The following HNRNPF variants were observed in gnomAD, a reference collection of about 807,000 sequenced individuals.
The protein encoded by HNRNPF is heterogeneous nuclear ribonucleoprotein F.
HNRNPF carries 2 observed loss-of-function variants against 26.0 expected under a neutral mutation model. That is an observed-to-expected ratio of 0.08 (90% CI 0.03 to 0.24). HNRNPF has a LOEUF of 0.24. Ranked by LOEUF, HNRNPF falls within the 10% of genes least tolerant of loss-of-function variation. The pLI is 1.00. For missense variants in HNRNPF, 299 were observed against 539.2 expected (o/e 0.55, Z 4.41); for synonymous variants, 234 against 211.5 (o/e 1.11, Z -0.92).
At chr10:43,405,049 G>A (rs184181939) in intron 1 of HNRNPF, among the ~76,000 whole-genome samples, 11 of 152,272 alleles carry the variant, frequency 7.2e-5, no homozygotes, top group Middle Eastern at 3.4e-3. Context: ...CATTCACCAC[G>A]CTTGAAATGT....
chr10:43,386,725 G>A lies in HNRNPF; in HGVS notation c.1160C>T (p.Ala387Val). Residue 387 changes from alanine (A) to valine (V), a missense_variant, in exon 4 of 4, where the codon GCC (alanine) becomes GTC (valine). Around this residue, in one of 6 missense-constraint regions of HNRNPF, gnomAD observed 53 missense variants for 72.4 expected, o/e 0.73. Coordinates refer to ENST00000682386, the MANE Select transcript of HNRNPF (RefSeq NM_001098204.2). ...MQGMGVSAAQATYSGLESQSV... is the reference protein window; with the variant it reads ...MQGMGVSAAQVTYSGLESQSV... ...CTGGCTCTCCAGGCCACTGTAAGTG[G>A]CCTGGGCAGCAGACACCCCCATGCC... 1 of 1,614,136 alleles carries A rather than the reference G, an allele frequency of 6.2e-7. No homozygotes were observed. Among genetic ancestry groups the A allele is most frequent in the Non-Finnish European group, 8.5e-7 (1 of 1,180,014 alleles).
At chr10:43,398,682 G>T (rs1242541272) in intron 1 of HNRNPF, among the ~76,000 whole-genome samples, 2 of 151,756 alleles carry the variant, frequency 1.3e-5, no homozygotes, top group Non-Finnish European at 1.5e-5. Context: ...TTGAGACAGG[G>T]TCTGGCTCAG....
chr10:43,405,378 C>T (rs570610758), intron 1 of HNRNPF, among the ~76,000 whole-genome samples: 2 of 152,098 alleles, frequency 1.3e-5, no homozygotes, highest in East Asian at 3.8e-4. Flanking sequence ...TAATACATGC[C>T]GGGCGCGGTG....
chr10:43,394,907 A>ATCTTGATGAGATTTAC (rs988778003), intron 2 of HNRNPF, among the ~76,000 whole-genome samples: 3 of 152,156 alleles, frequency 2.0e-5, no homozygotes, highest in Non-Finnish European at 4.4e-5. Context: ...CGCCTTATTG[A>ATCTTGATGAGATTTAC]TCTTGATGAG....
In HNRNPF at chr10:43,387,597, C is replaced by T. The variant is rs1279486869; in HGVS notation, c.288G>A (p.Val96=). ...FKSHRTEMDW[V]LKHSGPNSAD... ...CACTGTTGGGACCACTGTGCTTCAA[C>T]ACCCAATCCATCTCGGTTCTGTGGG... Residue 96 remains valine (V), a synonymous_variant, in exon 4 of 4, where the codon GTG becomes GTA. Coordinates refer to ENST00000682386, the MANE Select transcript of HNRNPF (RefSeq NM_001098204.2). The surrounding 1 kb of genome is among the most constrained non-coding windows in gnomAD (Gnocchi z 6.0). 1.2e-6 allele frequency: 2 copies of T among 1,614,202 alleles called. No homozygotes were observed. Among genetic ancestry groups the T allele is most frequent in the Non-Finnish European group, 8.5e-7 (1 of 1,180,018 alleles).
chr10:43,402,574 T>TGCAA (rs1236441822), intron 1 of HNRNPF, among the ~76,000 whole-genome samples: 3 of 152,228 alleles, frequency 2.0e-5, no homozygotes, highest in African/African-American at 7.2e-5. Flanking sequence ...AGCCCTAGCA[T>TGCAA]ACTAATACAA....
intron 1 of HNRNPF, among the ~76,000 whole-genome samples, chr10:43,398,973 G>C (rs759161822): frequency 6.6e-6 from 1 of 152,214 alleles, no homozygotes; most frequent in African/African-American, 2.4e-5. Context: ...AATAGTTCCA[G>C]CCAGATAAAA....
At chr10:43,398,404 C>G (rs1294786258) in intron 1 of HNRNPF, among the ~76,000 whole-genome samples, 2 of 143,522 alleles carry the variant, frequency 1.4e-5, no homozygotes, top group African/African-American at 5.3e-5. Flanking sequence ...TGCAATGGCA[C>G]GATCTCGGCT....
chr10:43,386,543 A>C lies in HNRNPF; in HGVS notation c.*94T>G, dbSNP rs1229189239. The stretch of plus-strand genomic sequence containing the variant: ...ATTTTTCACAAACTCATGGTGCAAA[A>C]TGGGTCCCCCAGCTTCCTCTATTAT... On this transcript the variant is annotated 3_prime_UTR_variant, in exon 4 of 4. Transcript: ENST00000682386. The C allele has an allele frequency of 1.1e-5, 14 of 1,224,108 alleles. No individual in the cohort carries two copies. The highest frequency in any genetic ancestry group is 1.5e-5 in the African/African-American group (1 of 66,152). The allele number at this position is 1,224,108 out of a possible 1,614,324, so 75.8% of individuals were successfully genotyped here. A position where few individuals can be genotyped will look rare whatever the true frequency, so the allele number is the denominator to read the frequency against.
At chr10:43,405,073 T>A (rs887620530) in intron 1 of HNRNPF, among the ~76,000 whole-genome samples, 2 of 152,182 alleles carry the variant, frequency 1.3e-5, no homozygotes, top group African/African-American at 4.8e-5. Flanking sequence ...AGTGTAAAAC[T>A]CACACTGGAT....
chr10:43,408,324 G>C (rs1273576638), intron 1 of HNRNPF, among the ~76,000 whole-genome samples: 1 of 152,128 alleles, frequency 6.6e-6, no homozygotes, highest in Admixed American at 6.5e-5. Context: ...TGCTCACCGC[G>C]TGGGACCACT....
chr10:43,387,644 G>T lies in HNRNPF; in HGVS notation c.241C>A (p.Arg81=), dbSNP rs1838080709. ...LKKDRESMGH[R]YIEVFKSHRT... ...TGGGACTTGAACACCTCAATGTACC[G>T]GTGTCCCATGCTTTCCCTGTCTTTT... Residue 81 remains arginine (R), a synonymous_variant, in exon 4 of 4, where the codon CGG becomes AGG. Transcript: ENST00000682386. This position sits in a 1 kb window ranked among gnomAD's most constrained non-coding sequence, Gnocchi z 6.0. 2 of 1,613,984 alleles carry T rather than the reference G, an allele frequency of 1.2e-6. No individual in the cohort carries two copies. The highest frequency in any genetic ancestry group is 2.7e-5 in the African/African-American group (2 of 74,888).
chr10:43,403,265 G>C (rs1838808853), intron 1 of HNRNPF, among the ~76,000 whole-genome samples: 1 of 152,122 alleles, frequency 6.6e-6, no homozygotes, highest in Admixed American at 6.6e-5. Flanking sequence ...CAATCCGCCT[G>C]CCTTGGCCCT....
chr10:43,400,739 G>A (rs373186587), intron 1 of HNRNPF, among the ~76,000 whole-genome samples: 1 of 152,152 alleles, frequency 6.6e-6, no homozygotes, highest in South Asian at 2.1e-4. Flanking sequence ...TGAAGTGTGA[G>A]AATTCTAACC....
intron 1 of HNRNPF, among the ~76,000 whole-genome samples, chr10:43,408,453 C>T (rs1839000554): frequency 6.6e-6 from 1 of 152,208 alleles, no homozygotes; most frequent in Admixed American, 6.5e-5. Flanking sequence ...AATCTCAGCG[C>T]CACGGCCCCT....
At chr10:43,407,004 T>TGGAGAACCCA (rs1838940715) in intron 1 of HNRNPF, among the ~76,000 whole-genome samples, 1 of 152,198 alleles carries the variant, frequency 6.6e-6, no homozygotes, top group African/African-American at 2.4e-5. Context: ...TTCACCTACC[T>TGGAGAACCCA]GGAGAACCCA....
intron 1 of HNRNPF, among the ~76,000 whole-genome samples, chr10:43,398,997 T>C (rs1460399254): frequency 6.6e-6 from 1 of 152,220 alleles, no homozygotes; most frequent in African/African-American, 2.4e-5. Context: ...CCCACAGAAT[T>C]ATGGTTATGT....
intron 3 of HNRNPF, among the ~76,000 whole-genome samples, chr10:43,391,413 G>C: frequency 6.6e-6 from 1 of 151,206 alleles, no homozygotes; most frequent in South Asian, 2.1e-4. Context: ...AGTGGAGATC[G>C]CACCATTGTA....
At chr10:43,390,067 A>ATCC (rs1476369761) in intron 3 of HNRNPF, among the ~76,000 whole-genome samples, 1 of 152,152 alleles carries the variant, frequency 6.6e-6, no homozygotes, top group African/African-American at 2.4e-5. Context: ...CCTTATCTAA[A>ATCC]TCCCCTGCAT....
Sources: gnomAD v4.1 joint callset for allele counts (sites outside exome capture counted in the v4.1 genomes callset) on GRCh38, gnomAD v4.1.1 for gene constraint, gnomAD v4.1.1 regional missense constraint, Gnocchi (gnomAD v3.1) non-coding constraint, MANE v1.5 for transcripts, NCBI Gene and HGNC (gene_info 2026-07-23, HGNC 2026-07-21) for gene names.